MAJIN: variants seen among roughly 807,000 people sequenced by gnomAD.
MAJIN encodes membrane-anchored junction protein.
Under a neutral mutation model 30.2 loss-of-function variants are expected in MAJIN, and 27 were observed. The ratio of observed to expected loss-of-function variants is 0.89; its 90% CI spans 0.66 to 1.23. The LOEUF (loss-of-function observed/expected upper bound fraction) is 1.23, where lower values mean the gene tolerates loss of function less well. MAJIN is among the 50% of genes most tolerant of loss of function. The probability of loss-of-function intolerance (pLI) is 0.00; values close to 1 mark genes in which losing one functional copy is unlikely to be tolerated. For synonymous variants in MAJIN, 78 were observed against 91.6 expected, an observed-to-expected ratio of 0.85 and a Z score of 0.85; for missense variants, 253 against 260.3, an observed-to-expected ratio of 0.97 and a Z score of 0.19.
chr11:64,954,628 G>A, intron 4 of MAJIN, 129 bp downstream of exon 4: 1 of 839,094 alleles, frequency 1.2e-6, no homozygotes, highest in South Asian at 1.4e-5. Flanking sequence ...TTGCAAAGGA[G>A]ATGTAGCAGG....
chr11:64,938,350 G>GA lies in MAJIN; in HGVS notation c.*224dup, dbSNP rs1325067440. The stretch of plus-strand genomic sequence containing the variant: ...CCATTCTTAATGTTTTAAATTGGGG[G>GA]AAAAAATCTATTATAAAGGGGCAAA... On this transcript the variant is annotated 3_prime_UTR_variant, in exon 11 of 11. Coordinates refer to ENST00000301896, the MANE Select transcript of MAJIN (RefSeq NM_001037225.3). The GA allele has an allele frequency of 2.1e-5, 14 of 654,908 alleles. No homozygotes were observed. The highest frequency in any genetic ancestry group is 3.3e-5 in the Non-Finnish European group (13 of 399,492). The allele number at this position is 654,908 out of a possible 1,614,324, so 40.6% of individuals were successfully genotyped here.
Position 64,939,702 on chromosome 11 carries a change from G to T in MAJIN, c.612C>A (p.His204Gln), listed in dbSNP as rs1200073404. The T allele has an allele frequency of 1.9e-6, 3 of 1,614,100 alleles. No homozygotes were observed. The highest frequency in any genetic ancestry group is 1.7e-5 in the Admixed American group (1 of 60,014). ...AAGCCGGTGGCTGCTCGCTCCTTAG[G>T]TGGAGGTGAGTTGTGCTGCAGGGGT... ...LSHPCSTTHLHLRSEQPPASL... is the reference protein window; with the variant it reads ...LSHPCSTTHLQLRSEQPPASL... The change falls in exon 10 of 11, where the codon CAC (histidine) becomes CAA (glutamine). Residue 204 changes from histidine (H) to glutamine (Q), a missense_variant. His to Gln is a conservative substitution (Grantham distance 24). Coordinates refer to ENST00000301896, the MANE Select transcript of MAJIN (RefSeq NM_001037225.3).
intron 6 of MAJIN, among the ~76,000 whole-genome samples, chr11:64,948,390 G>C (rs1275099789): frequency 6.6e-6 from 1 of 151,408 alleles, no homozygotes; most frequent in Non-Finnish European, 1.5e-5. Context: ...TGTGACAAAT[G>C]AAAAGGGGAG....
intron 8 of MAJIN, among the ~76,000 whole-genome samples, chr11:64,943,153 G>A (rs1046540887): frequency 2.0e-5 from 3 of 152,214 alleles, no homozygotes; most frequent in Non-Finnish European, 2.9e-5. Context: ...TCCTCCGTAT[G>A]TTCAGGACCA....
At chr11:64,955,773 G>A (rs976464949) in intron 3 of MAJIN, among the ~76,000 whole-genome samples, 5 of 152,160 alleles carry the variant, frequency 3.3e-5, no homozygotes, top group South Asian at 2.1e-4. Flanking sequence ...AATATTTTTC[G>A]ATACTGTATA....
chr11:64,968,504 T>C (rs1007951909), intron 1 of MAJIN, among the ~76,000 whole-genome samples: 16 of 151,542 alleles, frequency 1.1e-4, no homozygotes, highest in Admixed American at 9.9e-4. Flanking sequence ...TCAAGTGATC[T>C]GCCCACCTCG....
intron 3 of MAJIN, among the ~76,000 whole-genome samples, chr11:64,957,308 A>G (rs777604720): frequency 8.0e-5 from 12 of 150,754 alleles, no homozygotes; most frequent in Non-Finnish European, 1.6e-4. Context: ...TCAAACTCCT[A>G]CGCTCAAGCA....
intron 6 of MAJIN, 93 bp downstream of exon 6, chr11:64,949,650 G>A: frequency 6.7e-7 from 1 of 1,494,842 alleles, no homozygotes; most frequent in Non-Finnish European, 9.1e-7. Context: ...CTGTATGGCT[G>A]GAGCCTAATC....
At chr11:64,957,765 C>T (rs1474571434) in intron 3 of MAJIN, among the ~76,000 whole-genome samples, 19 of 152,142 alleles carry the variant, frequency 1.2e-4, no homozygotes, top group Admixed American at 7.9e-4. Flanking sequence ...GGCAAGATCT[C>T]GGCTTACTGC....
At chr11:64,947,684 C>A in intron 7 of MAJIN, 104 bp downstream of exon 7, 1 of 1,280,236 alleles carries the variant, frequency 7.8e-7, no homozygotes, top group Non-Finnish European at 1.1e-6. Flanking sequence ...TGGACCTGGG[C>A]AGCAACTGAG....
Position 64,947,820 on chromosome 11 carries a change from C to T in MAJIN, c.350-1G>A, listed in dbSNP as rs1945474273. ...AGAGGACTGTCACTTATTGGTTTCC[C>T]TACAATAGGAAATTTGAGTGTCATA... On this transcript the variant is annotated splice_acceptor_variant, in intron 6 of 10. Coordinates refer to ENST00000301896, the MANE Select transcript of MAJIN (RefSeq NM_001037225.3). LOFTEE classifies it high-confidence loss of function. 5 of 1,610,022 alleles carry T rather than the reference C, an allele frequency of 3.1e-6. 1 individual carries two copies. In the East Asian group the frequency reaches 1.1e-4, roughly 36 times the overall value.
chr11:64,961,525 G>T (rs949433933), intron 1 of MAJIN, among the ~76,000 whole-genome samples: 3 of 136,614 alleles, frequency 2.2e-5, no homozygotes, highest in African/African-American at 8.3e-5. Flanking sequence ...TCCCAGGCTG[G>T]AGTGCAGTGG....
intron 8 of MAJIN, among the ~76,000 whole-genome samples, 181 bp from the exon 9 acceptor site, chr11:64,940,827 T>TTTTTC (rs1554970153): frequency 7.9e-6 from 1 of 126,982 alleles, no homozygotes; most frequent in African/African-American, 3.2e-5. Flanking sequence ...TCTTTTCTTT[T>TTTTTC]TTTCTTTCTT....
At chr11:64,966,145 G>GAAA (rs58387921) in intron 1 of MAJIN, among the ~76,000 whole-genome samples, 1,249 of 57,044 alleles carry the variant, frequency 0.022, 108 homozygotes, top group African/African-American at 0.081. Context: ...GATTAAAAAT[G>GAAA]AAAAAAAAAA....
At chr11:64,967,476 C>T (rs573930520) in intron 1 of MAJIN, among the ~76,000 whole-genome samples, 23 of 151,984 alleles carry the variant, frequency 1.5e-4, no homozygotes, top group African/African-American at 5.1e-4. Context: ...CTGGTTTCCC[C>T]GTAACATGTC....
intron 1 of MAJIN, among the ~76,000 whole-genome samples, chr11:64,967,801 C>G (rs78254091): frequency 0.028 from 4,210 of 152,124 alleles, 202 homozygotes; most frequent in African/African-American, 0.096. Flanking sequence ...CATGATCCCT[C>G]GTCTTTAAGG....
At chr11:64,968,146 G>C (rs1268529313) in intron 1 of MAJIN, among the ~76,000 whole-genome samples, 1 of 152,178 alleles carries the variant, frequency 6.6e-6, no homozygotes, top group African/African-American at 2.4e-5. Flanking sequence ...TGAAGATGGA[G>C]TGTTAGGCAG....
intron 4 of MAJIN, among the ~76,000 whole-genome samples, chr11:64,952,203 G>A (rs1365648901): frequency 6.7e-6 from 1 of 150,168 alleles, no homozygotes; most frequent in Admixed American, 6.6e-5. Flanking sequence ...TTTTTGAGAT[G>A]AAGTTTTGTT....
At chr11:64,954,005 G>A (rs1341604721) in intron 4 of MAJIN, 1 of 153,770 alleles carries the variant, frequency 6.5e-6, no homozygotes, top group Non-Finnish European at 1.4e-5. Flanking sequence ...GAAATGTGGA[G>A]GCATATGTCT....
Sources: gnomAD v4.1 joint callset for allele counts (sites outside exome capture counted in the v4.1 genomes callset) on GRCh38, gnomAD v4.1.1 for gene constraint, MANE v1.5 for transcripts, NCBI Gene and HGNC (gene_info 2026-07-23, HGNC 2026-07-21) for gene names.